Variants in DNAH3 observed in about 807,000 individuals in gnomAD.
DNAH3 encodes the protein dynein axonemal heavy chain 3.
DNAH3 carries 332 observed loss-of-function variants against 432.5 expected under a neutral mutation model. The ratio of observed to expected loss-of-function variants is 0.77; its 90% CI spans 0.70 to 0.84. The LOEUF is 0.84. Ranked by LOEUF, DNAH3 falls within the 40% of genes least tolerant of loss-of-function variation. The probability of loss-of-function intolerance (pLI) is 0.00; values close to 1 mark genes in which losing one functional copy is unlikely to be tolerated. For synonymous variants in DNAH3, 1,956 were observed against 1,900.2 expected (o/e 1.03, Z -0.76); for missense variants, 4,861 against 5,114.0 (o/e 0.95, Z 1.51).
intron 51 of DNAH3, among the ~76,000 whole-genome samples, chr16:20,970,553 C>T (rs1162328197): frequency 3.3e-5 from 5 of 152,142 alleles, no homozygotes; most frequent in Admixed American, 1.3e-4. Context: ...AAACAAAAAT[C>T]TCACATAGGC....
rs2090449740 is a variant in DNAH3 at position 21,063,841 on chromosome 16, C to T, written c.3519-1158G>A. Among the ~76,000 whole-genome samples the T allele has an allele frequency of 2.0e-5, 3 of 152,128 alleles. No individual in the cohort carries two copies. The South Asian group carries it at 6.2e-4, about 32-fold the overall frequency. ...GTAAATGTGAGCCACTGCACTCAGC[C>T]CTTTACTATCTTTTAAATTAGAGAT... On this transcript the variant is annotated intron_variant, in intron 24 of 61. Transcript: ENST00000261383.
intron 58 of DNAH3, among the ~76,000 whole-genome samples, chr16:20,941,987 C>T (rs191483084): frequency 6.6e-6 from 1 of 152,092 alleles, no homozygotes; most frequent in East Asian, 1.9e-4. Flanking sequence ...ATCACTTGAA[C>T]CCAGGAGGCG....
intron 48 of DNAH3, among the ~76,000 whole-genome samples, chr16:20,984,641 G>A (rs568397523): frequency 7.8e-4 from 118 of 152,180 alleles, no homozygotes; most frequent in African/African-American, 2.7e-3. Flanking sequence ...AGGCCGAGGC[G>A]GGCAGATCAC....
chr16:21,048,834 C>T (rs2089834413), intron 31 of DNAH3, among the ~76,000 whole-genome samples: 1 of 151,966 alleles, frequency 6.6e-6, no homozygotes, highest in Non-Finnish European at 1.5e-5. Context: ...GCTGGGGTTA[C>T]AGGCACTCAC....
At chr16:21,007,102 C>A (rs2087343704) in intron 41 of DNAH3, among the ~76,000 whole-genome samples, 2 of 151,988 alleles carry the variant, frequency 1.3e-5, no homozygotes, top group South Asian at 4.1e-4. Context: ...TTAATTACAC[C>A]CATCCTAGTT....
chr16:20,943,826 C>CA (rs145488828), intron 58 of DNAH3, among the ~76,000 whole-genome samples: 22,130 of 151,810 alleles, frequency 0.15, 2,255 homozygotes, highest in East Asian at 0.42. Context: ...ACAGAAAATA[C>CA]AAAAAAATTT....
intron 44 of DNAH3, among the ~76,000 whole-genome samples, chr16:20,994,167 C>T (rs754681674): frequency 3.3e-5 from 5 of 152,086 alleles, no homozygotes; most frequent in Admixed American, 3.3e-4. Context: ...CAGTGGCTCA[C>T]GCCTGTAATC....
Position 21,111,523 on chromosome 16 carries a change from G to C in DNAH3, c.2099+103C>G, listed in dbSNP as rs1376224072. Reference sequence around the variant, plus strand: ...TTAGGGGCAGAAAAAACTTGATCTAGAAAATAATCTGTTCATTGCTGGAAG... The same window carrying C: ...TTAGGGGCAGAAAAAACTTGATCTACAAAATAATCTGTTCATTGCTGGAAG... On this transcript the variant is annotated intron_variant, in intron 14 of 61. Coordinates refer to ENST00000261383, the Ensembl canonical transcript of DNAH3. The C allele has an allele frequency of 1.2e-5, 14 of 1,202,268 alleles. No individual in the cohort carries two copies. In the East Asian group the frequency reaches 3.1e-4, roughly 27 times the overall value. 74.5% of individuals were successfully genotyped at this position (1,202,268 alleles called of 1,614,324 possible). A position where few individuals can be genotyped will look rare whatever the true frequency, so the allele number is the denominator to read the frequency against.
At chr16:20,954,594 TG>T (rs2084474780) in intron 55 of DNAH3, among the ~76,000 whole-genome samples, 1 of 152,138 alleles carries the variant, frequency 6.6e-6, no homozygotes, top group African/African-American at 2.4e-5. Context: ...CCAGCCAGGT[TG>T]TCAGATTTAG....
intron 16 of DNAH3, among the ~76,000 whole-genome samples, chr16:21,102,216 G>C (rs2091854505): frequency 6.6e-6 from 1 of 152,176 alleles, no homozygotes; most frequent in African/African-American, 2.4e-5. Context: ...TGGGGAACCA[G>C]CGGATGAGAT....
At chr16:20,956,459 C>A (rs115616404) in intron 54 of DNAH3, among the ~76,000 whole-genome samples, 1,538 of 152,230 alleles carry the variant, frequency 0.01, 29 homozygotes, top group African/African-American at 0.034. Context: ...TACTGTGGAA[C>A]GTGGACTATT....
At chr16:21,112,037 C>A (rs199608238) in exon 13 of DNAH3, 2 of 1,613,724 alleles carry the variant, frequency 1.2e-6, no homozygotes, top group East Asian at 4.5e-5. Context: ...AGGAACGCAG[C>A]GATGTTTTGC....
At chr16:21,119,380 C>T (rs2092282962) in intron 11 of DNAH3, among the ~76,000 whole-genome samples, 1 of 151,964 alleles carries the variant, frequency 6.6e-6, no homozygotes. Flanking sequence ...ACCTATAATC[C>T]CCACACTTTG....
intron 31 of DNAH3, among the ~76,000 whole-genome samples, chr16:21,049,246 G>A (rs1458379426): frequency 6.6e-6 from 1 of 152,154 alleles, no homozygotes; most frequent in Non-Finnish European, 1.5e-5. Flanking sequence ...TTACAGGTGT[G>A]AGCCTCTGTG....
At chr16:20,986,872 AAAC>A (rs2086224323) in intron 47 of DNAH3, among the ~76,000 whole-genome samples, 1 of 152,256 alleles carries the variant, frequency 6.6e-6, no homozygotes, top group Non-Finnish European at 1.5e-5. Context: ...TAGATGTTTA[AAAC>A]AACTTTTCTT....
Position 21,056,801 on chromosome 16 carries a change from C to T in DNAH3, c.3924+1285G>A, listed in dbSNP as rs74012106. Among the ~76,000 whole-genome samples, 976 of 152,212 alleles carry T rather than the reference C, an allele frequency of 6.4e-3. 6 individuals carry two copies. The highest frequency in any genetic ancestry group is 0.041 in the Middle Eastern group (12 of 294). ...GGGAAAACTGGGGCACATGAATCCACCTCCATCACAAAAAGTCAGAGATAC... is the reference window on the plus strand; with the variant it reads ...GGGAAAACTGGGGCACATGAATCCATCTCCATCACAAAAAGTCAGAGATAC... On this transcript the variant is annotated intron_variant, in intron 27 of 61. Coordinates refer to ENST00000261383, the Ensembl canonical transcript of DNAH3.
chr16:21,015,431 A>AT (rs1373536627), intron 41 of DNAH3, among the ~76,000 whole-genome samples: 4 of 152,258 alleles, frequency 2.6e-5, no homozygotes, highest in East Asian at 1.9e-4. Flanking sequence ...GGAGCACAGG[A>AT]TTTTTTTGGG....
chr16:21,098,453 A>AG (rs2091749417), intron 17 of DNAH3, among the ~76,000 whole-genome samples, 163 bp downstream of exon 17: 1 of 151,370 alleles, frequency 6.6e-6, no homozygotes, highest in Admixed American at 6.6e-5. Context: ...AAAAAAAAAA[A>AG]AAAAAGAAAA....
chr16:21,073,497 C>T (rs960290249), intron 21 of DNAH3, among the ~76,000 whole-genome samples: 2 of 151,344 alleles, frequency 1.3e-5, no homozygotes, highest in Non-Finnish European at 2.9e-5. Flanking sequence ...AGCTCTCTTC[C>T]CTCTCATCAG....
Sources: allele counts gnomAD v4.1 joint callset (sites outside exome capture counted in the v4.1 genomes callset), GRCh38; gene constraint gnomAD v4.1.1; transcripts MANE v1.5; gene names NCBI Gene and HGNC (gene_info 2026-07-23, HGNC 2026-07-21).